The following CYRIB variants were observed in gnomAD, a reference collection of about 807,000 sequenced individuals.
CYRIB encodes the protein CYFIP-related Rac1 interactor B.
A neutral mutation model predicts 44.2 loss-of-function variants in CYRIB; 8 were observed. The ratio of observed to expected loss-of-function variants is 0.18; its 90% CI spans 0.11 to 0.33. The LOEUF (loss-of-function observed/expected upper bound fraction) is 0.33. Among genes scored for constraint, CYRIB ranks in the 10% least tolerant of loss-of-function variants. The pLI is 1.00. For missense variants in CYRIB, 185 were observed against 382.8 expected, an observed-to-expected ratio of 0.48 and a Z score of 4.31; for synonymous variants, 131 against 127.2, an observed-to-expected ratio of 1.03 and a Z score of -0.20.
intron 1 of CYRIB, among the ~76,000 whole-genome samples, chr8:130,013,371 C>T (rs546251121): frequency 6.6e-6 from 1 of 152,178 alleles, no homozygotes; most frequent in Non-Finnish European, 1.5e-5. Flanking sequence ...ATCTTACTCT[C>T]TTACTCAGGA....
At chr8:129,890,191 A>G (rs1002929812) in intron 2 of CYRIB, among the ~76,000 whole-genome samples, 2 of 152,214 alleles carry the variant, frequency 1.3e-5, no homozygotes, top group Non-Finnish European at 2.9e-5. Context: ...ACTGCTTCCA[A>G]TTTTGAAAGT....
chr8:129,855,558 T>C (rs2045816898), intron 6 of CYRIB, 53 bp downstream of exon 8: 1 of 1,579,134 alleles, frequency 6.3e-7, no homozygotes, highest in Admixed American at 1.7e-5. Flanking sequence ...CTCCTAGTAC[T>C]CATTAAAAGA....
intron 11 of CYRIB, among the ~76,000 whole-genome samples, chr8:129,846,351 TAAC>T (rs1378209705): frequency 1.3e-5 from 2 of 152,198 alleles, no homozygotes; most frequent in Non-Finnish European, 2.9e-5. Context: ...TGTAAAAAGA[TAAC>T]TACTACATAG....
At chr8:129,922,971 T>C (rs1033224458) in intron 1 of CYRIB, among the ~76,000 whole-genome samples, 1 of 151,410 alleles carries the variant, frequency 6.6e-6, no homozygotes, top group Non-Finnish European at 1.5e-5. Context: ...GGCTCACTCC[T>C]GTAATCCCAG....
intron 2 of CYRIB, among the ~76,000 whole-genome samples, chr8:129,949,949 C>A (rs951023118): frequency 6.6e-6 from 1 of 152,146 alleles, no homozygotes; most frequent in Non-Finnish European, 1.5e-5. Flanking sequence ...ATTGTGAGCA[C>A]TGACTACAAT....
intron 3 of CYRIB, among the ~76,000 whole-genome samples, chr8:129,877,192 A>G (rs1032473123): frequency 4.6e-5 from 7 of 152,212 alleles, no homozygotes; most frequent in Admixed American, 2.0e-4. Flanking sequence ...GCTGTCACTA[A>G]ATTTCATTTA....
At chr8:129,885,039 T>C (rs1380460695) in intron 2 of CYRIB, among the ~76,000 whole-genome samples, 3 of 152,244 alleles carry the variant, frequency 2.0e-5, no homozygotes, top group Non-Finnish European at 2.9e-5. Flanking sequence ...TACAGAATAA[T>C]AGCCAATAGA....
intron 3 of CYRIB, 80 bp from the exon 6 acceptor site, chr8:129,871,576 A>AT: frequency 6.9e-7 from 1 of 1,449,226 alleles, no homozygotes; most frequent in Non-Finnish European, 9.3e-7. Context: ...GCAATTAACA[A>AT]CCCAAATTTC....
intron 9 of CYRIB, 99 bp from the exon 12 acceptor site, chr8:129,849,468 A>C: frequency 8.2e-7 from 1 of 1,213,642 alleles, no homozygotes; most frequent in Non-Finnish European, 1.1e-6. Flanking sequence ...TATTTTATTC[A>C]AATTTCTATC....
At chr8:129,923,895 AGAT>A (rs1371110595) in intron 1 of CYRIB, among the ~76,000 whole-genome samples, 5 of 150,092 alleles carry the variant, frequency 3.3e-5, no homozygotes, top group Non-Finnish European at 1.5e-5. Flanking sequence ...ATTCTGCTAT[AGAT>A]GATAATTTTT....
chr8:129,843,078 T>C (rs2037438126), intron 11 of CYRIB, among the ~76,000 whole-genome samples: 1 of 152,224 alleles, frequency 6.6e-6, no homozygotes, highest in Non-Finnish European at 1.5e-5. Context: ...AAGCTTACTA[T>C]GTCTCAGGCA....
rs141577273 is a variant in CYRIB, at chr8:129,930,696, G to A, written c.-50+8912C>T. Among the ~76,000 whole-genome samples, 881 of 152,006 alleles carry A rather than the reference G, an allele frequency of 5.8e-3. 4 individuals are homozygous for A. Among genetic ancestry groups the A allele is most frequent in the Middle Eastern group, 0.02 (6 of 294 alleles). On this transcript the variant is annotated intron_variant, in intron 1 of 11. Transcript: ENST00000519824. ...ATTTTGACTACTGCTTCAACATACTGTTCTATAAATAAAAAGACAGAGCTT... is the reference window on the plus strand; with the variant it reads ...ATTTTGACTACTGCTTCAACATACTATTCTATAAATAAAAAGACAGAGCTT...
At chr8:130,002,539 GA>G (rs1189722436) in intron 1 of CYRIB, among the ~76,000 whole-genome samples, 2 of 152,134 alleles carry the variant, frequency 1.3e-5, no homozygotes, top group African/African-American at 2.4e-5. Flanking sequence ...AATCACATTA[GA>G]AAAAAACGTG....
intron 1 of CYRIB, among the ~76,000 whole-genome samples, chr8:129,919,069 C>A (rs150806509): frequency 5.3e-5 from 8 of 152,058 alleles, no homozygotes; most frequent in African/African-American, 1.9e-4. Flanking sequence ...GTTTTTGCCA[C>A]GTTGGCCAGG....
At chr8:129,839,967 T>G (rs1210693001) in exon 12 of CYRIB, 1 of 152,266 alleles carries the variant, frequency 6.6e-6, no homozygotes, top group Admixed American at 6.5e-5. Context: ...CTTGGGACAC[T>G]GAAGGAAAAT....
At chr8:129,982,931 C>T (rs376050793) in intron 1 of CYRIB, among the ~76,000 whole-genome samples, 2 of 151,400 alleles carry the variant, frequency 1.3e-5, no homozygotes, top group East Asian at 1.9e-4. Context: ...TACAAACATA[C>T]ATGTCCAGCT....
intron 1 of CYRIB, among the ~76,000 whole-genome samples, chr8:129,913,611 C>T (rs552885319): frequency 1.3e-5 from 2 of 152,314 alleles, no homozygotes; most frequent in South Asian, 2.1e-4. Context: ...TCACAGACTA[C>T]GTGTGAACAG....
At chr8:129,857,183 AT>A (rs2046634762) in intron 5 of CYRIB, among the ~76,000 whole-genome samples, 1 of 152,338 alleles carries the variant, frequency 6.6e-6, no homozygotes, top group Admixed American at 6.5e-5. Flanking sequence ...GTAGACAGAC[AT>A]GCTCCCTGTG....
In CYRIB at chr8:129,911,527, C is replaced by T. The variant is rs143429400; in HGVS notation, c.-49-8177G>A. Among the ~76,000 whole-genome samples, 88 of 152,046 alleles carry T rather than the reference C, an allele frequency of 5.8e-4. No homozygotes were observed. In the South Asian group the frequency reaches 1.0e-2, roughly 17 times the overall value. On this transcript the variant is annotated intron_variant, in intron 1 of 11. Transcript: ENST00000519824. The stretch of plus-strand genomic sequence containing the variant: ...TTTAAAAAAATAACCCACGGCCGGA[C>T]GCGGTGGCTCACACCTGTAATCCCA...
Sources: allele counts gnomAD v4.1 joint callset (sites outside exome capture counted in the v4.1 genomes callset), GRCh38; gene constraint gnomAD v4.1.1; transcripts MANE v1.5; gene names NCBI Gene and HGNC (gene_info 2026-07-23, HGNC 2026-07-21).